Variants in SLC35F3 observed in about 807,000 individuals in gnomAD.
The protein encoded by SLC35F3 is putative thiamine transporter SLC35F3.
A neutral mutation model predicts 49.9 loss-of-function variants in SLC35F3; 25 were observed. That is an observed-to-expected ratio of 0.50 (90% confidence interval 0.37 to 0.70). SLC35F3 has a LOEUF of 0.70. SLC35F3 is among the 30% of genes least tolerant of loss of function. The pLI, the probability that SLC35F3 is intolerant of heterozygous loss-of-function variation, is 0.00. For missense variants in SLC35F3, 525 were observed against 639.8 expected, an observed-to-expected ratio of 0.82 and a Z score of 1.94; for synonymous variants, 275 against 265.4, an observed-to-expected ratio of 1.04 and a Z score of -0.35.
chr1:234,251,464 C>CAAAAAAAA (rs56891961), intron 3 of SLC35F3, among the ~76,000 whole-genome samples: 1 of 123,834 alleles, frequency 8.1e-6, no homozygotes, highest in Admixed American at 8.0e-5. Flanking sequence ...CAAACTAAAC[C>CAAAAAAAA]AAAAAAAAAA....
At chr1:234,035,454 C>T (rs1037190039) in intron 2 of SLC35F3, among the ~76,000 whole-genome samples, 12 of 151,994 alleles carry the variant, frequency 7.9e-5, no homozygotes, top group African/African-American at 2.4e-4. Context: ...TATGCCTTAA[C>T]GTGGGTTTAT....
intron 2 of SLC35F3, among the ~76,000 whole-genome samples, chr1:234,222,780 G>A (rs544927151): frequency 6.6e-6 from 1 of 152,332 alleles, no homozygotes; most frequent in South Asian, 2.1e-4. Flanking sequence ...AAAGAATCTG[G>A]AGATGCTAAC....
intron 3 of SLC35F3, among the ~76,000 whole-genome samples, chr1:234,269,653 G>A (rs563061384): frequency 1.3e-5 from 2 of 152,208 alleles, no homozygotes; most frequent in Admixed American, 6.5e-5. Flanking sequence ...CCCATTATTC[G>A]ATGCGGGGCC....
intron 2 of SLC35F3, among the ~76,000 whole-genome samples, chr1:234,117,934 G>GTATATATATATATA (rs1413560304): frequency 2.4e-4 from 27 of 113,556 alleles, no homozygotes; most frequent in East Asian, 2.6e-3. Context: ...GTGTGTGTGT[G>GTATATATATATATA]TGTGTGTGTG....
intron 3 of SLC35F3, among the ~76,000 whole-genome samples, chr1:234,237,211 C>A (rs949433505): frequency 6.6e-6 from 1 of 151,892 alleles, no homozygotes; most frequent in Non-Finnish European, 1.5e-5. Context: ...CTACAGCATA[C>A]GGTCCCATTT....
intron 2 of SLC35F3, among the ~76,000 whole-genome samples, chr1:234,002,788 T>G (rs1472724946): frequency 1.3e-5 from 2 of 152,170 alleles, no homozygotes; most frequent in Non-Finnish European, 2.9e-5. Flanking sequence ...ATCATTTGGA[T>G]TTCTTCTACA....
At chr1:234,125,516 C>T (rs1558236263) in intron 2 of SLC35F3, among the ~76,000 whole-genome samples, 1 of 152,082 alleles carries the variant, frequency 6.6e-6, no homozygotes, top group Non-Finnish European at 1.5e-5. Context: ...GTCAGTGAGG[C>T]CGGGAGGTAT....
intron 2 of SLC35F3, among the ~76,000 whole-genome samples, chr1:233,928,094 C>G (rs1392752169): frequency 6.6e-6 from 1 of 151,954 alleles, no homozygotes; most frequent in Non-Finnish European, 1.5e-5. Flanking sequence ...CTTCCCTGTT[C>G]TTGGCACTGT....
intron 2 of SLC35F3, among the ~76,000 whole-genome samples, chr1:233,932,046 G>A (rs141897867): frequency 0.01 from 1,585 of 152,054 alleles, 28 homozygotes; most frequent in African/African-American, 0.037. Flanking sequence ...CACAAGAGCA[G>A]AAAACCAAAC....
chr1:233,909,434 A>C (rs1661832960), intron 2 of SLC35F3, among the ~76,000 whole-genome samples: 1 of 152,202 alleles, frequency 6.6e-6, no homozygotes, highest in African/African-American at 2.4e-5. Flanking sequence ...TGTTGAATGA[A>C]TGGATGGCTG....
At chr1:234,305,099 T>C (rs1657119521) in intron 3 of SLC35F3, among the ~76,000 whole-genome samples, 1 of 152,368 alleles carries the variant, frequency 6.6e-6, no homozygotes, top group East Asian at 1.9e-4. Context: ...ATTGTGGGAA[T>C]GGCAAGTGCT....
chr1:234,296,153 G>A (rs1315247714), intron 3 of SLC35F3, among the ~76,000 whole-genome samples: 1 of 152,216 alleles, frequency 6.6e-6, no homozygotes, highest in East Asian at 1.9e-4. Flanking sequence ...GCGGAGGGAT[G>A]TGCTTTCTTA....
intron 2 of SLC35F3, among the ~76,000 whole-genome samples, chr1:234,032,097 G>C (rs6676520): frequency 0.24 from 35,857 of 151,946 alleles, 8,561 homozygotes; most frequent in African/African-American, 0.6. Context: ...TTGATACTTC[G>C]TGATTGTTCT....
At chr1:234,304,144 T>C (rs1668739784) in intron 3 of SLC35F3, among the ~76,000 whole-genome samples, 1 of 151,786 alleles carries the variant, frequency 6.6e-6, no homozygotes, top group South Asian at 2.1e-4. Context: ...TTATTTTGAC[T>C]TTATATTCCA....
intron 2 of SLC35F3, among the ~76,000 whole-genome samples, chr1:233,948,101 G>A (rs1662542557): frequency 1.3e-5 from 2 of 150,570 alleles, no homozygotes; most frequent in Non-Finnish European, 3.0e-5. Context: ...AGACTTGCTT[G>A]CACCTCATGT....
chr1:233,905,926 TCTC>T (rs1321849352), intron 2 of SLC35F3, among the ~76,000 whole-genome samples, 168 bp downstream of exon 2: 2 of 152,190 alleles, frequency 1.3e-5, no homozygotes, highest in Admixed American at 6.5e-5. Context: ...GAGACGGAGT[TCTC>T]CTGGACCTCT....
intron 3 of SLC35F3, among the ~76,000 whole-genome samples, chr1:234,305,837 A>T (rs150872389): frequency 1.1e-4 from 17 of 152,370 alleles, no homozygotes; most frequent in Admixed American, 5.2e-4. Flanking sequence ...TGGCACAAGC[A>T]GGATCAGAAG....
At chr1:234,051,819 T>C (rs1355007803) in intron 2 of SLC35F3, among the ~76,000 whole-genome samples, 2 of 152,228 alleles carry the variant, frequency 1.3e-5, no homozygotes. Flanking sequence ...GTCCCATCAA[T>C]ACCTAGTTTA....
intron 3 of SLC35F3, among the ~76,000 whole-genome samples, chr1:234,296,507 G>A (rs1285880667): frequency 6.6e-6 from 1 of 152,246 alleles, no homozygotes; most frequent in African/African-American, 2.4e-5. Flanking sequence ...TCCTTCCTAA[G>A]TAGCCAGACT....
Sources: gnomAD v4.1 joint callset for allele counts (sites outside exome capture counted in the v4.1 genomes callset) on GRCh38, gnomAD v4.1.1 for gene constraint, MANE v1.5 for transcripts, NCBI Gene and HGNC (gene_info 2026-07-23, HGNC 2026-07-21) for gene names.